Variants in FAM241A observed in about 807,000 individuals in gnomAD.
FAM241A encodes uncharacterized protein FAM241A.
FAM241A carries 7 observed loss-of-function variants against 12.2 expected under a neutral mutation model. The observed-to-expected ratio is 0.58, with a 90% confidence interval of 0.33 to 1.08. The LOEUF is 1.08. FAM241A is among the 50% of genes least tolerant of loss of function. The pLI, the probability that FAM241A is intolerant of heterozygous loss-of-function variation, is 0.04. For synonymous variants in FAM241A, 74 were observed against 68.2 expected (o/e 1.08, Z -0.42); for missense variants, 161 against 169.7 (o/e 0.95, Z 0.29).
At chr4:112,156,626 A>T (rs1340363286) in intron 1 of FAM241A, among the ~76,000 whole-genome samples, 1 of 152,210 alleles carries the variant, frequency 6.6e-6, no homozygotes, top group East Asian at 1.9e-4. Context: ...AACTCAGTTG[A>T]TGTTTTTGCT....
intron 1 of FAM241A, among the ~76,000 whole-genome samples, chr4:112,164,922 G>A (rs1049385652): frequency 1.3e-5 from 2 of 152,058 alleles, no homozygotes; most frequent in Admixed American, 1.3e-4. Context: ...ACCAGCCTGG[G>A]CAATACGGTG....
rs931698942 is a variant in FAM241A, at chr4:112,190,557, G to A, written c.*3619G>A. ...AAAAAAAAAAATACAAAATTAGCTA[G>A]GCGTGGTGGTGCATGCCTGTAATCT... On this transcript the variant is annotated 3_prime_UTR_variant, in exon 2 of 2. Transcript: ENST00000309733. The A allele has an allele frequency of 4.0e-5, 6 of 150,842 alleles. No individual in the cohort carries two copies. Among genetic ancestry groups the A allele is most frequent in the Non-Finnish European group, 4.4e-5 (3 of 67,852 alleles). The allele number at this position is 150,842 out of a possible 1,614,324, so 9.3% of individuals were successfully genotyped here.
At position 112,187,650 on chromosome 4, in the gene FAM241A, T is replaced by C. The variant is rs1724073804; in HGVS notation, c.*712T>C. 1 of 152,666 alleles carries C rather than the reference T, an allele frequency of 6.6e-6. No individual in the cohort carries two copies. Among genetic ancestry groups the C allele is most frequent in the African/African-American group, 2.4e-5 (1 of 41,570 alleles). 9.5% of individuals were successfully genotyped at this position (152,666 alleles called of 1,614,324 possible). On this transcript the variant is annotated 3_prime_UTR_variant, in exon 2 of 2. Transcript: ENST00000309733. ...AAGTTTCAGACAATTTTGGTGCTAATTACTTTTTGTGAGTTTTTAAAGTCT... is the reference window on the plus strand; with the variant it reads ...AAGTTTCAGACAATTTTGGTGCTAACTACTTTTTGTGAGTTTTTAAAGTCT...
intron 1 of FAM241A, among the ~76,000 whole-genome samples, chr4:112,172,529 G>A (rs1332784387): frequency 6.6e-6 from 1 of 152,138 alleles, no homozygotes; most frequent in Non-Finnish European, 1.5e-5. Flanking sequence ...GTGCATTAGT[G>A]GGTTTTTTGC....
At chr4:112,185,972 A>C (rs1724030044) in intron 1 of FAM241A, among the ~76,000 whole-genome samples, 1 of 152,188 alleles carries the variant, frequency 6.6e-6, no homozygotes. Context: ...AGGGAGACAG[A>C]AATGCTTGCA....
Position 112,190,523 on chromosome 4 carries a change from T to TAAAAAAAA in FAM241A, c.*3597_*3604dup. 1 of 121,258 alleles carries TAAAAAAAA rather than the reference T, an allele frequency of 8.2e-6. No homozygotes were observed. The highest frequency in any genetic ancestry group is 1.7e-5 in the Non-Finnish European group (1 of 58,704). The allele number at this position is 121,258 out of a possible 1,614,324, so 7.5% of individuals were successfully genotyped here. On this transcript the variant is annotated 3_prime_UTR_variant, in exon 2 of 2. Transcript: ENST00000309733. ...CAACATGGAGAAACCCCGTCTCTAC[T>TAAAAAAAA]AAAAAAAAAAAAAAAAAAATACAAA...
intron 1 of FAM241A, among the ~76,000 whole-genome samples, chr4:112,161,334 A>C (rs1374222069): frequency 1.3e-5 from 2 of 152,224 alleles, no homozygotes; most frequent in Non-Finnish European, 2.9e-5. Context: ...AAGGAGATAC[A>C]GACACAAAAA....
rs144235488 is a variant in FAM241A, at chr4:112,186,909, T to G, written c.370T>G (p.Cys124Gly). The stretch of plus-strand genomic sequence containing the variant: ...AGCCCTTGGACTAGTTGCTGTTCTT[T>G]GCCTTGTTATTATTTATGTGCAACA... ...LQALGLVAVL[C>G]LVIIYVQQ The change falls in exon 2 of 2, where the codon TGC becomes GGC. Residue 124 changes from cysteine to glycine, a missense_variant. By Grantham distance (159) the Cys-to-Gly change is radical. Transcript: ENST00000309733. 532 of 1,613,826 alleles carry G rather than the reference T, an allele frequency of 3.3e-4. 1 individual carries two copies. The highest frequency in any genetic ancestry group is 4.3e-4 in the Non-Finnish European group (509 of 1,179,884).
intron 1 of FAM241A, among the ~76,000 whole-genome samples, chr4:112,153,487 C>CATTT (rs1723284094): frequency 6.6e-6 from 1 of 152,168 alleles, no homozygotes; most frequent in Admixed American, 6.6e-5. Context: ...TCTCCGAAAA[C>CATTT]CTTGTTCCTA....
chr4:112,165,765 A>C (rs914497622), intron 1 of FAM241A, among the ~76,000 whole-genome samples: 1 of 152,172 alleles, frequency 6.6e-6, no homozygotes, highest in Admixed American at 6.5e-5. Context: ...TGGGAAGGGT[A>C]GTGGGGCGTG....
At chr4:112,183,952 A>G (rs1048873159) in intron 1 of FAM241A, among the ~76,000 whole-genome samples, 2 of 152,100 alleles carry the variant, frequency 1.3e-5, no homozygotes, top group African/African-American at 4.8e-5. Flanking sequence ...CAGTCATAAT[A>G]TATCAGTGAA....
chr4:112,172,409 C>A (rs747559863), intron 1 of FAM241A, among the ~76,000 whole-genome samples: 1 of 152,124 alleles, frequency 6.6e-6, no homozygotes, highest in Non-Finnish European at 1.5e-5. Context: ...ACCACAGAAT[C>A]GGTTTGTGGT....
Position 112,145,553 on chromosome 4 carries a change from G to C in FAM241A, c.-28G>C. The C allele has an allele frequency of 2.4e-6, 3 of 1,242,164 alleles. No individual in the cohort carries two copies. The highest frequency in any genetic ancestry group is 2.0e-6 in the Non-Finnish European group (2 of 991,540). The allele number at this position is 1,242,164 out of a possible 1,614,324, so 76.9% of individuals were successfully genotyped here. The stretch of plus-strand genomic sequence containing the variant: ...GTCGCGGCGTGGTCCTCCGGCGGCT[G>C]TCCGGGGCGGTAGGAGTTGGCTGCG... On this transcript the variant is annotated 5_prime_UTR_variant, in exon 1 of 2. Coordinates refer to ENST00000309733, the MANE Select transcript of FAM241A (RefSeq NM_152400.3).
At chr4:112,162,093 T>C (rs1387979749) in intron 1 of FAM241A, among the ~76,000 whole-genome samples, 2 of 152,198 alleles carry the variant, frequency 1.3e-5, no homozygotes, top group Admixed American at 6.5e-5. Context: ...GAAAAGGCCT[T>C]CGACAAAATT....
At chr4:112,153,244 G>A (rs1314319902) in intron 1 of FAM241A, among the ~76,000 whole-genome samples, 3 of 152,120 alleles carry the variant, frequency 2.0e-5, no homozygotes, top group Non-Finnish European at 4.4e-5. Flanking sequence ...TAATCCTTGA[G>A]AGGAAAAATA....
At chr4:112,167,306 A>G (rs1331134737) in intron 1 of FAM241A, among the ~76,000 whole-genome samples, 1 of 152,146 alleles carries the variant, frequency 6.6e-6, no homozygotes, top group Admixed American at 6.5e-5. Context: ...GCCCCTAAGG[A>G]GTTCTAACTA....
chr4:112,172,395 G>A (rs939475325), intron 1 of FAM241A, among the ~76,000 whole-genome samples: 4 of 152,126 alleles, frequency 2.6e-5, no homozygotes, highest in Non-Finnish European at 5.9e-5. Flanking sequence ...AAGATGTTTT[G>A]TAAACCACAG....
intron 1 of FAM241A, among the ~76,000 whole-genome samples, chr4:112,180,324 A>G (rs1401569486): frequency 6.6e-6 from 1 of 152,076 alleles, no homozygotes; most frequent in Non-Finnish European, 1.5e-5. Flanking sequence ...CTTGTAACAA[A>G]CCTGCACATG....
chr4:112,181,075 C>A (rs1314879617), intron 1 of FAM241A, among the ~76,000 whole-genome samples: 2 of 152,100 alleles, frequency 1.3e-5, no homozygotes, highest in Non-Finnish European at 2.9e-5. Flanking sequence ...GGATCACATA[C>A]CCTTTCCAAA....
Sources: gnomAD v4.1 joint callset for allele counts (sites outside exome capture counted in the v4.1 genomes callset) on GRCh38, gnomAD v4.1.1 for gene constraint, MANE v1.5 for transcripts, NCBI Gene and HGNC (gene_info 2026-07-23, HGNC 2026-07-21) for gene names.